The following HDLBP variants were observed in gnomAD, a reference collection of about 807,000 sequenced individuals.
The protein encoded by HDLBP is high density lipoprotein binding protein.
In HDLBP, 30 loss-of-function variants were observed where a neutral mutation model predicts 137.3. The observed-to-expected ratio is 0.22, with a 90% CI of 0.16 to 0.30. HDLBP has a LOEUF of 0.30. HDLBP is among the 10% of genes least tolerant of loss of function. HDLBP has a pLI of 1.00. For synonymous variants in HDLBP, 606 were observed against 596.0 expected (o/e 1.02, Z -0.24); for missense variants, 1,119 against 1,667.3 (o/e 0.67, Z 5.73).
At chr2:241,250,652 A>C (rs1013833641) in intron 11 of HDLBP, 6 of 152,310 alleles carry the variant, frequency 3.9e-5, no homozygotes, top group Admixed American at 2.6e-4. Context: ...CAGTAAAGGG[A>C]AGCCCAGCTT....
At position 241,249,557 on chromosome 2, in the gene HDLBP, G is replaced by GTA. The variant is rs562264840; in HGVS notation, c.1512+282_1512+283dup. Among the ~76,000 whole-genome samples the GTA allele has an allele frequency of 3.3e-3, 501 of 152,354 alleles. 5 individuals are homozygous for GTA. Among genetic ancestry groups the GTA allele is most frequent in the African/African-American group, 0.012 (484 of 41,572 alleles). On this transcript the variant is annotated intron_variant, in intron 12 of 27. Transcript: ENST00000310931. ...ATGTCTGTCACAATCTCTGGAGATG[G>GTA]TACCCAGGCATCTGGGCACCCAGGG...
chr2:241,255,603 G>T, intron 7 of HDLBP, 23 bp from the exon 8 acceptor site: 2 of 1,587,596 alleles, frequency 1.3e-6, no homozygotes, highest in South Asian at 1.1e-5. Context: ...ACCATAAGGG[G>T]CAGTCAAAGG....
intron 14 of HDLBP, 48 bp from the exon 15 acceptor site, chr2:241,247,190 A>G (rs1387406329): frequency 4.6e-5 from 54 of 1,178,186 alleles, no homozygotes; most frequent in Non-Finnish European, 6.6e-5. Context: ...GCTAGAGAGT[A>G]AAATACAGTA....
At chr2:241,268,277 C>G in intron 2 of HDLBP, 200 bp downstream of exon 2, 1 of 167,992 alleles carries the variant, frequency 6.0e-6, no homozygotes. Flanking sequence ...AGCCAGATGA[C>G]ACATCTAAGG....
chr2:241,254,220 C>CGCTA (rs1158199317), intron 9 of HDLBP, among the ~76,000 whole-genome samples: 1 of 151,976 alleles, frequency 6.6e-6, no homozygotes, highest in Non-Finnish European at 1.5e-5. Context: ...GCTATGACTG[C>CGCTA]GCTACTGCAC....
chr2:241,287,765 G>T (rs1575025962), intron 1 of HDLBP, among the ~76,000 whole-genome samples: 1 of 152,174 alleles, frequency 6.6e-6, no homozygotes, highest in African/African-American at 2.4e-5. Context: ...CGTGTTAAAA[G>T]ATATACATGT....
intron 1 of HDLBP, among the ~76,000 whole-genome samples, chr2:241,309,810 C>T (rs931486279): frequency 6.6e-6 from 1 of 152,234 alleles, no homozygotes; most frequent in African/African-American, 2.4e-5. Flanking sequence ...TTTATGGTTA[C>T]TGCTGTGCTC....
chr2:241,304,870 G>A (rs911188428), intron 1 of HDLBP, among the ~76,000 whole-genome samples: 2 of 152,070 alleles, frequency 1.3e-5, no homozygotes, highest in Non-Finnish European at 2.9e-5. Flanking sequence ...AAAAGTTAAG[G>A]GCCAAGATAA....
intron 1 of HDLBP, among the ~76,000 whole-genome samples, chr2:241,282,914 C>T (rs770618258): frequency 2.6e-5 from 4 of 152,120 alleles, no homozygotes; most frequent in East Asian, 1.9e-4. Flanking sequence ...AAGAGCTGCA[C>T]GTCTCTCATA....
At chr2:241,279,009 C>T (rs547265913) in intron 1 of HDLBP, among the ~76,000 whole-genome samples, 27 of 152,058 alleles carry the variant, frequency 1.8e-4, no homozygotes, top group African/African-American at 5.8e-4. Flanking sequence ...TGAGCAACAG[C>T]GTGAGACTCT....
intron 1 of HDLBP, among the ~76,000 whole-genome samples, chr2:241,287,343 C>A (rs1399460134): frequency 2.0e-5 from 3 of 151,878 alleles, no homozygotes; most frequent in Non-Finnish European, 4.4e-5. Context: ...ACTTCTGACA[C>A]CGTGATCCAC....
intron 1 of HDLBP, among the ~76,000 whole-genome samples, chr2:241,294,591 G>A (rs925672386): frequency 2.6e-5 from 4 of 152,056 alleles, no homozygotes; most frequent in Non-Finnish European, 5.9e-5. Flanking sequence ...CTCCTAAGGC[G>A]CTGCGACTAC....
At chr2:241,275,358 A>G (rs1271366665) in intron 1 of HDLBP, among the ~76,000 whole-genome samples, 1 of 152,220 alleles carries the variant, frequency 6.6e-6, no homozygotes, top group African/African-American at 2.4e-5. Context: ...ACAATAAAAA[A>G]GCATAAGAGA....
intron 1 of HDLBP, among the ~76,000 whole-genome samples, chr2:241,297,435 G>C (rs760162197): frequency 2.0e-5 from 3 of 152,138 alleles, no homozygotes; most frequent in Non-Finnish European, 4.4e-5. Context: ...TGGAAATGGG[G>C]GTACTGGAAT....
Position 241,249,948 on chromosome 2 carries a change from C to G in HDLBP, c.1405G>C (p.Val469Leu), listed in dbSNP as rs1384636597. 1 of 1,612,908 alleles carries G rather than the reference C, an allele frequency of 6.2e-7. No homozygotes were observed. Among genetic ancestry groups the G allele is most frequent in the Non-Finnish European group, 8.5e-7 (1 of 1,179,546 alleles). Reference protein sequence around the residue: ...NRIKDQYKVSVRIPPDSEKSN... With the variant: ...NRIKDQYKVSLRIPPDSEKSN... Reference sequence around the variant, plus strand: ...TTCTCACTGTCAGGAGGGATGCGCACGGACACCTTGTACTGGTCTTTGATT... The same window carrying G: ...TTCTCACTGTCAGGAGGGATGCGCAGGGACACCTTGTACTGGTCTTTGATT... Residue 469 changes from valine (V) to leucine (L), a missense_variant, in exon 12 of 28, where the codon GTG becomes CTG. Coordinates refer to ENST00000310931, the MANE Select transcript of HDLBP (RefSeq NM_005336.6).
At position 241,230,880 on chromosome 2, in the gene HDLBP, A is replaced by G. The variant is rs771960300; in HGVS notation, c.3353T>C (p.Leu1118Pro). Residue 1118 changes from leucine to proline, a missense_variant, in exon 25 of 28, where the codon CTG (leucine) becomes CCG (proline). Coordinates refer to ENST00000310931, the MANE Select transcript of HDLBP (RefSeq NM_005336.6). This position sits in a 1 kb window ranked among gnomAD's most constrained non-coding sequence, Gnocchi z 5.0. Reference sequence around the variant, plus strand: ...CTGCTCAAGTTCACCCACAATTCTCAGTATAGCATCCCTGGCAGCTTCTGT... The same window carrying G: ...CTGCTCAAGTTCACCCACAATTCTCGGTATAGCATCCCTGGCAGCTTCTGT... ...KNTEAARDAI[L>P]RIVGELEQMV... is the part of the protein sequence containing the mutation. 2 of 1,613,836 alleles carry G rather than the reference A, an allele frequency of 1.2e-6. No individual in the cohort carries two copies. Among genetic ancestry groups the G allele is most frequent in the Admixed American group, 1.7e-5 (1 of 60,010 alleles).
intron 1 of HDLBP, among the ~76,000 whole-genome samples, chr2:241,305,901 C>T (rs1035513451): frequency 6.6e-6 from 1 of 151,616 alleles, no homozygotes; most frequent in African/African-American, 2.4e-5. Context: ...GCTGGGACTA[C>T]AGGCATCCGC....
At chr2:241,237,972 C>T (rs372306121) in intron 20 of HDLBP, among the ~76,000 whole-genome samples, 19 of 152,348 alleles carry the variant, frequency 1.2e-4, no homozygotes, top group Middle Eastern at 3.4e-3. Flanking sequence ...ACACTATGTG[C>T]ACTCAGCAGG....
Position 241,235,232 on chromosome 2 carries a change from A to G in HDLBP, c.3033T>C (p.Pro1011=), listed in dbSNP as rs752410471. Residue 1011 remains proline, a synonymous_variant, in exon 23 of 28, where the codon CCT becomes CCC. Transcript: ENST00000310931. ...TGGCGATGATGTCAGACTGCAGCTCAGGTGCCGGGACATGTATGTTCACCT... is the reference window on the plus strand; with the variant it reads ...TGGCGATGATGTCAGACTGCAGCTCGGGTGCCGGGACATGTATGTTCACCT... ...EFEVNIHVPA[P]ELQSDIIAIT... The G allele has an allele frequency of 6.2e-7, 1 of 1,614,218 alleles. No individual in the cohort carries two copies. The highest frequency in any genetic ancestry group is 8.5e-7 in the Non-Finnish European group (1 of 1,180,042).
Sources: allele counts gnomAD v4.1 joint callset (sites outside exome capture counted in the v4.1 genomes callset), GRCh38; gene constraint gnomAD v4.1.1; non-coding constraint Gnocchi (gnomAD v3.1); transcripts MANE v1.5; gene names NCBI Gene and HGNC (gene_info 2026-07-23, HGNC 2026-07-21).